The following BTBD9 variants were observed in gnomAD, a reference collection of about 807,000 sequenced individuals.
BTBD9 encodes the protein BTB/POZ domain-containing protein 9.
In BTBD9, 49 loss-of-function variants were observed where a neutral mutation model predicts 64.3. The observed-to-expected ratio is 0.76, with a 90% CI of 0.61 to 0.97. The LOEUF (loss-of-function observed/expected upper bound fraction) is 0.97, where lower values mean the gene tolerates loss of function less well. Among genes scored for constraint, BTBD9 ranks in the 50% least tolerant of loss-of-function variants. The pLI, the probability that BTBD9 is intolerant of heterozygous loss-of-function variation, is 0.00. For missense variants in BTBD9, 598 were observed against 762.1 expected, an observed-to-expected ratio of 0.78 and a Z score of 2.53; for synonymous variants, 260 against 274.7, an observed-to-expected ratio of 0.95 and a Z score of 0.53.
intron 6 of BTBD9, among the ~76,000 whole-genome samples, chr6:38,502,511 G>A (rs1165571515): frequency 1.3e-5 from 2 of 152,218 alleles, no homozygotes; most frequent in African/African-American, 4.8e-5. Context: ...GGGAAAGAAT[G>A]CTAAGGGAAG....
At chr6:38,243,816 G>A (rs920370550) in intron 9 of BTBD9, among the ~76,000 whole-genome samples, 28 of 152,172 alleles carry the variant, frequency 1.8e-4, no homozygotes, top group African/African-American at 5.8e-4. Flanking sequence ...GAAGCCAAGA[G>A]AATGAGCTAA....
intron 6 of BTBD9, among the ~76,000 whole-genome samples, chr6:38,447,177 AAG>A (rs1198136810): frequency 1.3e-5 from 2 of 152,218 alleles, no homozygotes; most frequent in Non-Finnish European, 2.9e-5. Flanking sequence ...CTAGTACTGA[AAG>A]AAAATGTTGC....
At chr6:38,536,234 T>C (rs1774016077) in intron 6 of BTBD9, among the ~76,000 whole-genome samples, 2 of 152,102 alleles carry the variant, frequency 1.3e-5, no homozygotes, top group South Asian at 4.1e-4. Flanking sequence ...ATGCTCAACA[T>C]CACTGACCAC....
At chr6:38,471,447 TC>T (rs1449387040) in intron 6 of BTBD9, among the ~76,000 whole-genome samples, 1 of 152,142 alleles carries the variant, frequency 6.6e-6, no homozygotes, top group Non-Finnish European at 1.5e-5. Context: ...TAACCCACAA[TC>T]CACTTCTTTC....
At chr6:38,580,187 T>C (rs368146301) in intron 5 of BTBD9, 31 bp downstream of exon 5, 15 of 1,593,206 alleles carry the variant, frequency 9.4e-6, no homozygotes, top group Non-Finnish European at 1.3e-5. Flanking sequence ...TCAAACATAA[T>C]GTCAGTTTCT....
chr6:38,201,122 C>A (rs1762449602), intron 9 of BTBD9, among the ~76,000 whole-genome samples: 1 of 152,096 alleles, frequency 6.6e-6, no homozygotes, highest in Non-Finnish European at 1.5e-5. Flanking sequence ...ACACCAAAAC[C>A]TGACAAGAAC....
chr6:38,542,708 T>G (rs1372093337), intron 6 of BTBD9, among the ~76,000 whole-genome samples: 2 of 152,280 alleles, frequency 1.3e-5, no homozygotes, highest in East Asian at 3.9e-4. Flanking sequence ...CTGGCAAAAC[T>G]AAGCATATGA....
chr6:38,574,595 C>A (rs1011265927), intron 6 of BTBD9, among the ~76,000 whole-genome samples: 5 of 152,124 alleles, frequency 3.3e-5, no homozygotes, highest in Non-Finnish European at 5.9e-5. Context: ...AAATGACTGC[C>A]ATTTATTGAG....
At chr6:38,552,643 T>C (rs942762408) in intron 6 of BTBD9, among the ~76,000 whole-genome samples, 13 of 151,680 alleles carry the variant, frequency 8.6e-5, no homozygotes, top group Non-Finnish European at 1.8e-4. Context: ...GGCTGGAGCC[T>C]GTCATCCTAG....
Position 38,329,683 on chromosome 6 carries a change from A to G in BTBD9, c.1264+15301T>C, listed in dbSNP as rs114198370. On this transcript the variant is annotated intron_variant, in intron 7 of 10. Transcript: ENST00000481247. The stretch of plus-strand genomic sequence containing the variant: ...TATAAAACATGTACTGGCTGGGCAC[A>G]GTGGCTCACGCATGTAATCTTAACA... Among the ~76,000 whole-genome samples, 809 of 152,134 alleles carry G rather than the reference A, an allele frequency of 5.3e-3. 6 individuals are homozygous for G. The highest frequency in any genetic ancestry group is 0.018 in the African/African-American group (751 of 41,534).
In BTBD9 at chr6:38,461,042, T is replaced by C. The variant is rs79293440; in HGVS notation, c.1155-115949A>G. Among the ~76,000 whole-genome samples, 232 of 152,380 alleles carry C rather than the reference T, an allele frequency of 1.5e-3. 2 individuals are homozygous for C. The highest frequency in any genetic ancestry group is 0.014 in the Middle Eastern group (4 of 294). On this transcript the variant is annotated intron_variant, in intron 6 of 10. Transcript: ENST00000481247. ...CTTCAGGAAATTGCCTCCCTGGTTCTAACCAGGCGTTTCACGCTCACTCTG... is the reference window on the plus strand; with the variant it reads ...CTTCAGGAAATTGCCTCCCTGGTTCCAACCAGGCGTTTCACGCTCACTCTG...
chr6:38,264,499 G>A (rs1224481465), intron 8 of BTBD9, among the ~76,000 whole-genome samples: 1 of 152,224 alleles, frequency 6.6e-6, no homozygotes, highest in African/African-American at 2.4e-5. Context: ...TGGATGAGAA[G>A]CAGAAAGACA....
chr6:38,314,054 T>C (rs978941793), intron 7 of BTBD9, among the ~76,000 whole-genome samples: 25 of 151,964 alleles, frequency 1.6e-4, no homozygotes, highest in Non-Finnish European at 3.1e-4. Flanking sequence ...GAACTTTTAA[T>C]GTGATGTTGC....
At chr6:38,406,159 C>A (rs1249196316) in intron 6 of BTBD9, among the ~76,000 whole-genome samples, 1 of 152,210 alleles carries the variant, frequency 6.6e-6, no homozygotes, top group African/African-American at 2.4e-5. Context: ...AAATTCTTCA[C>A]AACTCTGTAG....
chr6:38,575,733 A>G (rs1048141890), intron 6 of BTBD9, among the ~76,000 whole-genome samples: 3 of 152,206 alleles, frequency 2.0e-5, no homozygotes, highest in Non-Finnish European at 2.9e-5. Flanking sequence ...TAACATGGAT[A>G]TCAAGATTCT....
chr6:38,387,203 T>C (rs1766210316), intron 6 of BTBD9, among the ~76,000 whole-genome samples: 1 of 152,242 alleles, frequency 6.6e-6, no homozygotes, highest in African/African-American at 2.4e-5. Context: ...TGTACATATT[T>C]GTTTGTTACA....
intron 9 of BTBD9, among the ~76,000 whole-genome samples, chr6:38,196,203 T>G (rs1762270237): frequency 6.6e-6 from 1 of 152,216 alleles, no homozygotes; most frequent in African/African-American, 2.4e-5. Flanking sequence ...TGAATCTTTA[T>G]TTTGTGCTTT....
Position 38,170,037 on chromosome 6 carries a change from CG to C in BTBD9, c.*4947del, listed in dbSNP as rs1766691543. 6.6e-6 allele frequency: 1 copy of C among 152,286 alleles called. No individual in the cohort carries two copies. The highest frequency in any genetic ancestry group is 1.5e-5 in the Non-Finnish European group (1 of 68,128). 9.4% of individuals were successfully genotyped at this position (152,286 alleles called of 1,614,324 possible). A position where few individuals can be genotyped will look rare whatever the true frequency, so the allele number is the denominator to read the frequency against. On this transcript the variant is annotated 3_prime_UTR_variant, in exon 11 of 11. Coordinates refer to ENST00000481247, the MANE Select transcript of BTBD9 (RefSeq NM_001099272.2). Reference sequence around the variant, plus strand: ...GGTTGGAGGCTGGGCCAGGGAGCACCGTGACCAGTGGTGGTCACAGAGGACG... The same window carrying C: ...GGTTGGAGGCTGGGCCAGGGAGCACCTGACCAGTGGTGGTCACAGAGGACG...
intron 6 of BTBD9, among the ~76,000 whole-genome samples, chr6:38,400,800 T>C (rs1329439558): frequency 1.3e-5 from 2 of 152,242 alleles, no homozygotes; most frequent in Admixed American, 6.5e-5. Context: ...TAAAATAATT[T>C]TTTAAAAGAA....
Sources: gnomAD v4.1 joint callset for allele counts (sites outside exome capture counted in the v4.1 genomes callset) on GRCh38, gnomAD v4.1.1 for gene constraint, MANE v1.5 for transcripts, NCBI Gene and HGNC (gene_info 2026-07-23, HGNC 2026-07-21) for gene names.